The following KDM4C variants were observed in gnomAD, a reference collection of about 807,000 sequenced individuals.
KDM4C encodes lysine-specific demethylase 4C.
Under a neutral mutation model 129.3 loss-of-function variants are expected in KDM4C, and 81 were observed. That is an observed-to-expected ratio of 0.63 (90% CI 0.52 to 0.75). The LOEUF (loss-of-function observed/expected upper bound fraction) is 0.75, where lower values mean the gene tolerates loss of function less well. Among genes scored for constraint, KDM4C ranks in the 30% least tolerant of loss-of-function variants. The pLI, the probability that KDM4C is intolerant of heterozygous loss-of-function variation, is 0.00. For missense variants in KDM4C, 1,457 were observed against 1,304.0 expected (o/e 1.12, Z -1.81); for synonymous variants, 573 against 456.1 (o/e 1.26, Z -3.26).
Position 7,138,331 on chromosome 9 carries a change from A to C in KDM4C, c.2781+10095A>C, listed in dbSNP as rs1041452443. On this transcript the variant is annotated intron_variant, in intron 19 of 21. Coordinates refer to ENST00000381309, the MANE Select transcript of KDM4C (RefSeq NM_015061.6). ...TTTTGCCTTTTATAAAATGGAGGAT[A>C]TATTTGAAAGTCTTCTGTGCTTTAG... 3.3e-5 allele frequency among the ~76,000 whole-genome samples: 5 copies of C among 152,236 alleles called. No individual in the cohort carries two copies. In the East Asian group the frequency reaches 9.6e-4, roughly 29 times the overall value.
intron 1 of KDM4C, among the ~76,000 whole-genome samples, chr9:6,744,882 G>C (rs574776836): frequency 6.6e-6 from 1 of 152,168 alleles, no homozygotes; most frequent in African/African-American, 2.4e-5. Context: ...GGGATACCTG[G>C]GGCACTGAGA....
intron 8 of KDM4C, among the ~76,000 whole-genome samples, chr9:6,906,659 C>T (rs889238773): frequency 6.6e-6 from 1 of 152,164 alleles, no homozygotes; most frequent in South Asian, 2.1e-4. Context: ...CCGGGCTGGT[C>T]TCGAACTCCT....
intron 17 of KDM4C, among the ~76,000 whole-genome samples, chr9:7,080,952 C>A (rs1318213464): frequency 6.6e-6 from 1 of 152,122 alleles, no homozygotes; most frequent in Non-Finnish European, 1.5e-5. Flanking sequence ...ATAAACAGGC[C>A]CTTAGTGATT....
chr9:7,027,241 C>G (rs926699451), intron 15 of KDM4C, among the ~76,000 whole-genome samples: 1 of 152,118 alleles, frequency 6.6e-6, no homozygotes, highest in East Asian at 1.9e-4. Context: ...GGAAGGCTTT[C>G]CAGGTATTTG....
chr9:7,149,347 G>A (rs1842517037), intron 19 of KDM4C, among the ~76,000 whole-genome samples: 1 of 152,250 alleles, frequency 6.6e-6, no homozygotes. Flanking sequence ...AAGCCAGGGA[G>A]TGGAAGCAGG....
At chr9:6,721,007 G>A (rs368966329) in intron 1 of KDM4C, 18 of 1,550,412 alleles carry the variant, frequency 1.2e-5, no homozygotes, top group African/African-American at 2.7e-5. Context: ...GGTGAGTGCT[G>A]CTCTGAACAT....
intron 17 of KDM4C, among the ~76,000 whole-genome samples, chr9:7,060,046 T>G (rs897236933): frequency 6.6e-6 from 1 of 152,142 alleles, no homozygotes; most frequent in African/African-American, 2.4e-5. Flanking sequence ...CATAATATAG[T>G]ATCCTTTCTT....
At chr9:7,006,525 C>G (rs1319692126) in intron 12 of KDM4C, among the ~76,000 whole-genome samples, 3 of 151,896 alleles carry the variant, frequency 2.0e-5, no homozygotes, top group African/African-American at 7.3e-5. Flanking sequence ...GGGAGAATAG[C>G]TTTGGAGATG....
chr9:6,980,211 G>T (rs529383402), intron 8 of KDM4C, among the ~76,000 whole-genome samples: 2 of 152,258 alleles, frequency 1.3e-5, no homozygotes, highest in South Asian at 2.1e-4. Flanking sequence ...ATAAAACTTT[G>T]TGTGAAGTCT....
At chr9:7,032,406 G>C (rs1207648539) in intron 15 of KDM4C, among the ~76,000 whole-genome samples, 1 of 152,148 alleles carries the variant, frequency 6.6e-6, no homozygotes, top group African/African-American at 2.4e-5. Flanking sequence ...TAATGATGCT[G>C]ATAATTGATG....
chr9:6,829,956 A>C (rs1184158795), intron 4 of KDM4C, among the ~76,000 whole-genome samples: 12 of 152,192 alleles, frequency 7.9e-5, no homozygotes, highest in Non-Finnish European at 5.9e-5. Flanking sequence ...TGAATTTATA[A>C]ATAGAGTAGA....
intron 8 of KDM4C, among the ~76,000 whole-genome samples, chr9:6,914,538 A>G (rs1321090981): frequency 6.6e-6 from 1 of 152,216 alleles, no homozygotes; most frequent in East Asian, 1.9e-4. Context: ...GCCTTTTGAC[A>G]TTAAAAAACA....
At chr9:6,860,267 C>T (rs1840682430) in intron 5 of KDM4C, among the ~76,000 whole-genome samples, 1 of 152,108 alleles carries the variant, frequency 6.6e-6, no homozygotes. Context: ...ACCTAAGGTT[C>T]TTTCTTTAGA....
intron 5 of KDM4C, among the ~76,000 whole-genome samples, chr9:6,859,733 G>T (rs1326154294): frequency 6.6e-6 from 1 of 151,880 alleles, no homozygotes; most frequent in Non-Finnish European, 1.5e-5. Context: ...GGGCGTGGTT[G>T]CAGGCGCCTG....
At chr9:6,842,580 T>G (rs980761093) in intron 4 of KDM4C, among the ~76,000 whole-genome samples, 7 of 152,056 alleles carry the variant, frequency 4.6e-5, no homozygotes, top group African/African-American at 1.7e-4. Flanking sequence ...AGGTGATCCG[T>G]CTGCCTTGGG....
intron 8 of KDM4C, among the ~76,000 whole-genome samples, chr9:6,953,706 C>T (rs531790527): frequency 1.2e-4 from 18 of 152,086 alleles, no homozygotes; most frequent in African/African-American, 2.4e-4. Flanking sequence ...TTTGAGAGAA[C>T]GGAGGATTTT....
At chr9:7,016,132 CT>C (rs747210107) in intron 15 of KDM4C, among the ~76,000 whole-genome samples, 156 of 144,134 alleles carry the variant, frequency 1.1e-3, no homozygotes, top group Middle Eastern at 3.6e-3. Flanking sequence ...AATTTATTTT[CT>C]TTTTTTTTTT....
intron 1 of KDM4C, among the ~76,000 whole-genome samples, chr9:6,776,727 G>A (rs116042294): frequency 0.027 from 4,052 of 150,548 alleles, 189 homozygotes; most frequent in African/African-American, 0.093. Context: ...CTCAGCCTCC[G>A]AGTGGCTGGG....
intron 10 of KDM4C, among the ~76,000 whole-genome samples, chr9:6,985,681 C>T (rs1194591519): frequency 6.6e-6 from 1 of 151,996 alleles, no homozygotes; most frequent in Non-Finnish European, 1.5e-5. Flanking sequence ...ACTATAGTCC[C>T]TTTTTTTAAA....
Sources: gnomAD v4.1 joint callset for allele counts (sites outside exome capture counted in the v4.1 genomes callset) on GRCh38, gnomAD v4.1.1 for gene constraint, MANE v1.5 for transcripts, NCBI Gene and HGNC (gene_info 2026-07-23, HGNC 2026-07-21) for gene names.